LRRC4C: variants seen among roughly 807,000 people sequenced by gnomAD.
LRRC4C encodes leucine rich repeat containing 4C, also known as leucine-rich repeat-containing protein 4C.
Under a neutral mutation model 33.6 loss-of-function variants are expected in LRRC4C, and 5 were observed. The ratio of observed to expected loss-of-function variants is 0.15; its 90% CI spans 0.08 to 0.31. The LOEUF (loss-of-function observed/expected upper bound fraction) is 0.31. Among genes scored for constraint, LRRC4C ranks in the 10% least tolerant of loss-of-function variants. LRRC4C has a pLI of 1.00. For synonymous variants in LRRC4C, 329 were observed against 302.0 expected (o/e 1.09, Z -0.93); for missense variants, 560 against 796.7 (o/e 0.70, Z 3.58).
At chr11:41,314,551 C>G (rs2137211315) in intron 1 of LRRC4C, among the ~76,000 whole-genome samples, 1 of 152,208 alleles carries the variant, frequency 6.6e-6, no homozygotes, top group South Asian at 2.1e-4. Context: ...TGTATAAAAA[C>G]TATAATTTCA....
At chr11:40,767,259 T>C (rs1320887922) in intron 2 of LRRC4C, among the ~76,000 whole-genome samples, 1 of 152,074 alleles carries the variant, frequency 6.6e-6, no homozygotes, top group Non-Finnish European at 1.5e-5. Context: ...AAGGTGTCAA[T>C]TCAGCAAAAT....
intron 3 of LRRC4C, among the ~76,000 whole-genome samples, chr11:40,568,364 C>A (rs1441714037): frequency 1.3e-5 from 2 of 152,204 alleles, no homozygotes; most frequent in Non-Finnish European, 2.9e-5. Flanking sequence ...CAGAGGACTG[C>A]AGCCCTAGCA....
chr11:41,456,604 C>A (rs961016947), intron 1 of LRRC4C, among the ~76,000 whole-genome samples: 2 of 152,160 alleles, frequency 1.3e-5, no homozygotes, highest in Admixed American at 6.6e-5. Flanking sequence ...TCAGAGAAAC[C>A]CTTCACCAAT....
intron 1 of LRRC4C, chr11:41,426,176 A>G (rs1041143757): frequency 1.3e-5 from 2 of 152,236 alleles, no homozygotes; most frequent in African/African-American, 4.8e-5. Context: ...ATCCAGGCAG[A>G]ACACACTAGT....
intron 3 of LRRC4C, among the ~76,000 whole-genome samples, chr11:40,432,334 A>G (rs1232062517): frequency 1.3e-5 from 2 of 151,998 alleles, no homozygotes; most frequent in South Asian, 4.2e-4. Context: ...GTCCATTCCA[A>G]TCTCTCCCTA....
chr11:40,482,157 G>C (rs1953604522), intron 3 of LRRC4C, among the ~76,000 whole-genome samples: 1 of 152,132 alleles, frequency 6.6e-6, no homozygotes. Flanking sequence ...GTCTTCCGTG[G>C]CTGGAAAGTC....
intron 1 of LRRC4C, among the ~76,000 whole-genome samples, chr11:41,324,633 C>A (rs1951054746): frequency 6.6e-6 from 1 of 152,144 alleles, no homozygotes; most frequent in Admixed American, 6.5e-5. Flanking sequence ...AAAATGTTCT[C>A]CAGATGATTA....
At position 40,918,165 on chromosome 11, in the gene LRRC4C, G is replaced by A. The variant is rs7949217; in HGVS notation, c.-407+15470C>T. 5.1e-3 allele frequency among the ~76,000 whole-genome samples: 775 copies of A among 152,182 alleles called. 9 individuals carry two copies. The highest frequency in any genetic ancestry group is 0.018 in the African/African-American group (745 of 41,554). On this transcript the variant is annotated intron_variant, in intron 2 of 6. Coordinates refer to ENST00000528697, the MANE Select transcript of LRRC4C (RefSeq NM_001258419.2). The stretch of plus-strand genomic sequence containing the variant: ...AGTGAGCCTTTGTGTAAGGAGAAAT[G>A]AAATCTAGGACACAGCCTTTTAGTT...
At chr11:40,930,027 T>C (rs1382852865) in intron 2 of LRRC4C, among the ~76,000 whole-genome samples, 1 of 152,160 alleles carries the variant, frequency 6.6e-6, no homozygotes. Flanking sequence ...CAAATTAAGA[T>C]AATTCAGTGA....
At chr11:40,684,876 G>A (rs1247404065) in intron 2 of LRRC4C, among the ~76,000 whole-genome samples, 1 of 151,844 alleles carries the variant, frequency 6.6e-6, no homozygotes, top group East Asian at 1.9e-4. Flanking sequence ...TAAAAAAGAT[G>A]ATTTTGTTGG....
intron 3 of LRRC4C, among the ~76,000 whole-genome samples, chr11:40,626,075 T>C (rs1012322739): frequency 2.6e-5 from 4 of 152,168 alleles, no homozygotes; most frequent in Non-Finnish European, 5.9e-5. Flanking sequence ...CATGTTCTCC[T>C]CACCTCTCTA....
At chr11:41,271,205 C>T (rs1260313339) in intron 1 of LRRC4C, among the ~76,000 whole-genome samples, 1 of 152,064 alleles carries the variant, frequency 6.6e-6, no homozygotes, top group Non-Finnish European at 1.5e-5. Flanking sequence ...TGTGCTTCCA[C>T]AGTCCACTTT....
intron 3 of LRRC4C, among the ~76,000 whole-genome samples, chr11:40,493,556 A>G (rs989162748): frequency 2.0e-5 from 3 of 151,386 alleles, no homozygotes; most frequent in Non-Finnish European, 4.4e-5. Flanking sequence ...AGTAAAGGTA[A>G]AAAAAAAATT....
Position 40,719,332 on chromosome 11 carries a change from G to A in LRRC4C, c.-406-71054C>T, listed in dbSNP as rs1946889639. 2.0e-5 allele frequency among the ~76,000 whole-genome samples: 3 copies of A among 152,274 alleles called. No individual in the cohort carries two copies. The South Asian group carries it at 6.2e-4, about 32-fold the overall frequency. On this transcript the variant is annotated intron_variant, in intron 2 of 6. Transcript: ENST00000528697. Reference sequence around the variant, plus strand: ...TAATTCTAGTCTTCTAAGAGAAAATGACAAAAGTCAATTGTTCACTACCAG... The same window carrying A: ...TAATTCTAGTCTTCTAAGAGAAAATAACAAAAGTCAATTGTTCACTACCAG...
At chr11:40,426,887 C>A (rs939530065) in intron 3 of LRRC4C, among the ~76,000 whole-genome samples, 2 of 152,198 alleles carry the variant, frequency 1.3e-5, no homozygotes, top group African/African-American at 4.8e-5. Context: ...AATCTCACTC[C>A]ATTTCTAGCA....
intron 3 of LRRC4C, among the ~76,000 whole-genome samples, chr11:40,348,111 T>A (rs541071654): frequency 6.6e-6 from 1 of 152,028 alleles, no homozygotes; most frequent in African/African-American, 2.4e-5. Flanking sequence ...AATAGTAACA[T>A]CAAAGATCAC....
At chr11:40,904,849 A>G (rs1401045922) in intron 2 of LRRC4C, among the ~76,000 whole-genome samples, 2 of 152,120 alleles carry the variant, frequency 1.3e-5, no homozygotes, top group African/African-American at 4.8e-5. Context: ...TGCGGAACAC[A>G]CTTTCATCAA....
intron 1 of LRRC4C, among the ~76,000 whole-genome samples, chr11:40,977,610 G>C (rs1432966189): frequency 1.3e-5 from 2 of 152,124 alleles, no homozygotes; most frequent in Admixed American, 6.5e-5. Context: ...CTCTAGACAA[G>C]TAGTTAAGAT....
At chr11:40,616,024 A>G (rs10768612) in intron 3 of LRRC4C, among the ~76,000 whole-genome samples, 151,969 of 151,974 alleles carry the variant, frequency 1, 75,982 homozygotes, top group Middle Eastern at 1. Context: ...AGAGAATATC[A>G]GGATCCGGAA....
Sources: gnomAD v4.1 joint callset for allele counts (sites outside exome capture counted in the v4.1 genomes callset) on GRCh38, gnomAD v4.1.1 for gene constraint, MANE v1.5 for transcripts, NCBI Gene and HGNC (gene_info 2026-07-23, HGNC 2026-07-21) for gene names.